The following MED13L variants were observed in gnomAD, a reference collection of about 807,000 sequenced individuals.
MED13L encodes the protein mediator complex subunit 13L.
A neutral mutation model predicts 220.9 loss-of-function variants in MED13L; 7 were observed. The observed-to-expected ratio is 0.03, with a 90% CI of 0.02 to 0.06. MED13L has a LOEUF of 0.06. Ranked by LOEUF, MED13L falls within the 10% of genes least tolerant of loss-of-function variation. The pLI is 1.00. For missense variants in MED13L, 1,965 were observed against 2,760.5 expected (o/e 0.71, Z 6.46); for synonymous variants, 1,011 against 1,015.2 (o/e 1.00, Z 0.08).
chr12:115,969,990 A>C (rs1442981358), intron 27 of MED13L, among the ~76,000 whole-genome samples: 1 of 152,100 alleles, frequency 6.6e-6, no homozygotes, highest in East Asian at 1.9e-4. Context: ...TTGTTATTCT[A>C]TTGTAATCAT....
intron 4 of MED13L, among the ~76,000 whole-genome samples, chr12:116,092,859 C>G (rs891466657): frequency 6.6e-6 from 1 of 151,578 alleles, no homozygotes; most frequent in East Asian, 1.9e-4. Context: ...GGAGTATCAC[C>G]CAAGAACAGA....
intron 4 of MED13L, among the ~76,000 whole-genome samples, chr12:116,043,204 T>C (rs1881640459): frequency 6.6e-6 from 1 of 152,140 alleles, no homozygotes; most frequent in South Asian, 2.1e-4. Context: ...TCTGCATCAA[T>C]TATGCATACA....
chr12:116,276,673 G>C (rs1398359974), intron 1 of MED13L: 3 of 1,191,114 alleles, frequency 2.5e-6, no homozygotes, highest in Non-Finnish European at 3.2e-6. Flanking sequence ...TTGCCGATCG[G>C]AGGCGCGGCA....
intron 2 of MED13L, among the ~76,000 whole-genome samples, chr12:116,163,978 T>C (rs61935837): frequency 3.9e-5 from 6 of 152,134 alleles, no homozygotes; most frequent in Non-Finnish European, 8.8e-5. Flanking sequence ...AAACTGAAAA[T>C]GTTCTTCTTG....
chr12:115,972,930 T>C (rs1317686243), intron 25 of MED13L, among the ~76,000 whole-genome samples: 1 of 152,184 alleles, frequency 6.6e-6, no homozygotes, highest in East Asian at 1.9e-4. Context: ...TGACCTCCCT[T>C]ACACACACGA....
At chr12:116,208,564 T>A (rs1006864229) in intron 2 of MED13L, among the ~76,000 whole-genome samples, 2 of 152,248 alleles carry the variant, frequency 1.3e-5, no homozygotes, top group African/African-American at 4.8e-5. Flanking sequence ...AAACCTTTCT[T>A]CAAATGCTAT....
At chr12:116,158,119 G>C (rs1179012707) in intron 2 of MED13L, among the ~76,000 whole-genome samples, 2 of 149,688 alleles carry the variant, frequency 1.3e-5, no homozygotes, top group African/African-American at 4.9e-5. Context: ...ACAGGAAACA[G>C]ATGAACGCAG....
intron 7 of MED13L, among the ~76,000 whole-genome samples, chr12:116,015,973 A>C (rs910948727): frequency 1.4e-5 from 2 of 139,022 alleles, no homozygotes; most frequent in African/African-American, 5.3e-5. Context: ...AGTGGTTATA[A>C]ATATAATCTA....
chr12:115,965,843 C>T (rs183018544), intron 29 of MED13L, among the ~76,000 whole-genome samples: 1 of 152,214 alleles, frequency 6.6e-6, no homozygotes, highest in East Asian at 1.9e-4. Flanking sequence ...CCCTCTGGGC[C>T]CCACTGTTTC....
chr12:115,969,130 T>G, intron 27 of MED13L, 33 bp from the exon 28 acceptor site: 1 of 1,605,072 alleles, frequency 6.2e-7, no homozygotes, highest in East Asian at 2.2e-5. Flanking sequence ...AGCACAAAAA[T>G]TAAAAAGATA....
At chr12:116,102,363 T>C (rs1873127584) in intron 3 of MED13L, among the ~76,000 whole-genome samples, 1 of 152,194 alleles carries the variant, frequency 6.6e-6, no homozygotes, top group Non-Finnish European at 1.5e-5. Flanking sequence ...AGGCAGCCCA[T>C]CACTAGCTCT....
In MED13L at chr12:115,960,229, T is replaced by C. The variant is rs1326287872; in HGVS notation, c.*1037A>G. On this transcript the variant is annotated 3_prime_UTR_variant, in exon 31 of 31. Transcript: ENST00000281928. Reference sequence around the variant, plus strand: ...TGATTTCATGAGCAAACACTTTCAATTGTTGTATGTACATAAGTCCCTTTT... The same window carrying C: ...TGATTTCATGAGCAAACACTTTCAACTGTTGTATGTACATAAGTCCCTTTT... 1 of 152,626 alleles carries C rather than the reference T, an allele frequency of 6.6e-6. No homozygotes were observed. Among genetic ancestry groups the C allele is most frequent in the African/African-American group, 2.4e-5 (1 of 41,444 alleles). The allele number at this position is 152,626 out of a possible 1,614,324, so 9.5% of individuals were successfully genotyped here. A position where few individuals can be genotyped will look rare whatever the true frequency, so the allele number is the denominator to read the frequency against.
intron 29 of MED13L, 83 bp downstream of exon 29, chr12:115,965,999 T>C (rs1334431669): frequency 2.0e-6 from 3 of 1,523,650 alleles, no homozygotes; most frequent in Non-Finnish European, 2.7e-6. Flanking sequence ...TTATGGTGAC[T>C]AAAACTGAAA....
intron 4 of MED13L, among the ~76,000 whole-genome samples, chr12:116,053,382 C>T (rs1868669248): frequency 6.6e-6 from 1 of 152,140 alleles, no homozygotes; most frequent in African/African-American, 2.4e-5. Context: ...AGACATTATT[C>T]TGGCTGAGAG....
intron 4 of MED13L, among the ~76,000 whole-genome samples, chr12:116,047,277 C>T (rs1881896728): frequency 6.6e-6 from 1 of 152,222 alleles, no homozygotes; most frequent in Admixed American, 6.5e-5. Flanking sequence ...TCGCTTGAAT[C>T]CAAAAGGTCA....
intron 2 of MED13L, among the ~76,000 whole-genome samples, chr12:116,146,564 T>C (rs945533605): frequency 1.4e-4 from 22 of 152,118 alleles, no homozygotes; most frequent in Non-Finnish European, 2.9e-4. Flanking sequence ...GCTTTAAATC[T>C]TGATTAAATT....
chr12:116,028,712 G>T (rs1880547685), intron 4 of MED13L, among the ~76,000 whole-genome samples: 1 of 152,128 alleles, frequency 6.6e-6, no homozygotes. Flanking sequence ...ACATGGCAAG[G>T]TCAAAGGAAA....
At chr12:116,073,222 A>G (rs1870521178) in intron 4 of MED13L, among the ~76,000 whole-genome samples, 2 of 152,158 alleles carry the variant, frequency 1.3e-5, no homozygotes, top group Admixed American at 6.5e-5. Flanking sequence ...TTTAAAAAAA[A>G]GTACTTAAAT....
At chr12:116,086,260 T>C (rs1021695392) in intron 4 of MED13L, among the ~76,000 whole-genome samples, 2 of 151,342 alleles carry the variant, frequency 1.3e-5, no homozygotes, top group African/African-American at 4.9e-5. Flanking sequence ...AGTATTTTAA[T>C]TTAGCAGTTT....
Sources: gnomAD v4.1 joint callset for allele counts (sites outside exome capture counted in the v4.1 genomes callset) on GRCh38, gnomAD v4.1.1 for gene constraint, MANE v1.5 for transcripts, NCBI Gene and HGNC (gene_info 2026-07-23, HGNC 2026-07-21) for gene names.